TTC7B: variants seen among roughly 807,000 people sequenced by gnomAD.
The protein encoded by TTC7B is tetratricopeptide repeat domain 7B.
A neutral mutation model predicts 106.8 loss-of-function variants in TTC7B; 28 were observed. The ratio of observed to expected loss-of-function variants is 0.26; its 90% confidence interval spans 0.19 to 0.36. The LOEUF (loss-of-function observed/expected upper bound fraction) is 0.36. TTC7B is among the 10% of genes least tolerant of loss of function. The pLI, the probability that TTC7B is intolerant of heterozygous loss-of-function variation, is 1.00. For synonymous variants in TTC7B, 405 were observed against 430.6 expected (o/e 0.94, Z 0.74); for missense variants, 862 against 1,076.4 (o/e 0.80, Z 2.79).
rs1889362490 is a variant in TTC7B at position 90,534,369 on chromosome 14, T to G, written c.*6999A>C. 1 of 152,284 alleles carries G rather than the reference T, an allele frequency of 6.6e-6. No individual in the cohort carries two copies. The highest frequency in any genetic ancestry group is 1.5e-5 in the Non-Finnish European group (1 of 68,152). 9.4% of individuals were successfully genotyped at this position (152,284 alleles called of 1,614,324 possible). Reference sequence around the variant, plus strand: ...GTGGGGTCCTCAGGCCCAGTGCGGCTGCTACTGCCCGCCTCCCCCGGAGGA... The same window carrying G: ...GTGGGGTCCTCAGGCCCAGTGCGGCGGCTACTGCCCGCCTCCCCCGGAGGA... On this transcript the variant is annotated 3_prime_UTR_variant, in exon 20 of 20. Transcript: ENST00000328459.
chr14:90,647,209 T>G, intron 13 of TTC7B, 186 bp from the exon 14 acceptor site: 1 of 583,166 alleles, frequency 1.7e-6, no homozygotes, highest in Admixed American at 2.9e-5. Flanking sequence ...CTCTTACCAC[T>G]GTATAAAGGT....
Position 90,528,776 on chromosome 14 carries a change from G to C in TTC7B, c.*12592C>G, listed in dbSNP as rs922911272. The C allele has an allele frequency of 1.3e-5, 2 of 151,712 alleles. No homozygotes were observed. Among genetic ancestry groups the C allele is most frequent in the Non-Finnish European group, 2.9e-5 (2 of 68,724 alleles). The allele number at this position is 151,712 out of a possible 1,614,324, so 9.4% of individuals were successfully genotyped here. A position where few individuals can be genotyped will look rare whatever the true frequency, so the allele number is the denominator to read the frequency against. The stretch of plus-strand genomic sequence containing the variant: ...GTGACCCGACTGTGTTTTGTTACCT[G>C]TTTCTGATGGTTGTTTCTGGTGGTG... On this transcript the variant is annotated 3_prime_UTR_variant, in exon 20 of 20. Coordinates refer to ENST00000328459, the MANE Select transcript of TTC7B (RefSeq NM_001010854.2).
chr14:90,747,712 G>A (rs1009330807), intron 3 of TTC7B, among the ~76,000 whole-genome samples: 6 of 152,118 alleles, frequency 3.9e-5, no homozygotes, highest in Non-Finnish European at 8.8e-5. Context: ...ATCATTTATT[G>A]AAACATGGAT....
chr14:90,652,401 A>G (rs1595247904), intron 13 of TTC7B, among the ~76,000 whole-genome samples: 1 of 151,552 alleles, frequency 6.6e-6, no homozygotes, highest in African/African-American at 2.4e-5. Flanking sequence ...TTTGGGGCTG[A>G]CTGTCTTCAC....
chr14:90,573,622 T>TGGCTCATGGTCCCTTTCG (rs1460059775), intron 19 of TTC7B, among the ~76,000 whole-genome samples: 1 of 144,038 alleles, frequency 6.9e-6, no homozygotes, highest in Admixed American at 6.8e-5. Context: ...GGTCCCTCTC[T>TGGCTCATGGTCCCTTTCG]GGCTCATGGT....
At chr14:90,815,201 C>A (rs1256435575) in intron 1 of TTC7B, among the ~76,000 whole-genome samples, 1 of 152,222 alleles carries the variant, frequency 6.6e-6, no homozygotes, top group Non-Finnish European at 1.5e-5. Context: ...CCTCTGCCCT[C>A]TGGCCACGGT....
intron 1 of TTC7B, among the ~76,000 whole-genome samples, chr14:90,801,208 G>A (rs1595047006): frequency 7.8e-6 from 1 of 128,804 alleles, no homozygotes; most frequent in East Asian, 2.2e-4. Context: ...TTGGGAGACA[G>A]AGCAAGACCC....
At chr14:90,572,776 C>T (rs1035015927) in intron 19 of TTC7B, among the ~76,000 whole-genome samples, 2 of 152,202 alleles carry the variant, frequency 1.3e-5, no homozygotes, top group African/African-American at 4.8e-5. Flanking sequence ...AGATTGACCC[C>T]TTATGGTAAC....
intron 19 of TTC7B, among the ~76,000 whole-genome samples, chr14:90,542,025 C>T (rs888780786): frequency 2.6e-5 from 4 of 152,154 alleles, no homozygotes; most frequent in Non-Finnish European, 5.9e-5. Flanking sequence ...CTGCAAGCTC[C>T]GCCTCCCGGG....
chr14:90,718,810 A>G lies in TTC7B; in HGVS notation c.698+11265T>C, dbSNP rs536768076. Among the ~76,000 whole-genome samples the G allele has an allele frequency of 4.5e-5, 5 of 111,124 alleles. No individual in the cohort carries two copies. The South Asian group carries it at 1.1e-3, about 24-fold the overall frequency. 72.9% of individuals were successfully genotyped at this position (111,124 alleles called of 152,430 possible). A position where few individuals can be genotyped will look rare whatever the true frequency, so the allele number is the denominator to read the frequency against. ...ACAACTATACACCAGACACTGGGGC[A>G]TACAGGTACAGATCTGTTCCCACGC... is the stretch of plus-strand genomic sequence containing the variant. On this transcript the variant is annotated intron_variant, in intron 5 of 19. Transcript: ENST00000328459.
chr14:90,593,945 T>G (rs1379241739), intron 17 of TTC7B: 1 of 207,514 alleles, frequency 4.8e-6, no homozygotes, highest in African/African-American at 2.3e-5. Flanking sequence ...ATAAATGAAG[T>G]GCTATAAGGG....
intron 15 of TTC7B, among the ~76,000 whole-genome samples, chr14:90,638,063 TA>T (rs1566811791): frequency 1.3e-5 from 2 of 151,622 alleles, no homozygotes; most frequent in South Asian, 4.2e-4. Flanking sequence ...TTTTTTTTTT[TA>T]TCTAGAGATG....
At chr14:90,800,312 A>G (rs1476216568) in intron 1 of TTC7B, among the ~76,000 whole-genome samples, 1 of 152,142 alleles carries the variant, frequency 6.6e-6, no homozygotes, top group African/African-American at 2.4e-5. Flanking sequence ...TGGGGACATC[A>G]TTTGAAGGTG....
chr14:90,689,704 G>A lies in TTC7B; in HGVS notation c.786C>T (p.Ala262=). ...GCAACAAGATCTCTGCCAGCTGCCT[G>A]GCTATTGTCTGGGAACATAAACGAG... is the stretch of plus-strand genomic sequence containing the variant. ...RTTQNLRMTI[A]RQLAEILLRG... is the part of the protein sequence containing the mutation. The change falls in exon 7 of 20, where the codon GCC becomes GCT. Residue 262 remains alanine, a synonymous_variant. Coordinates refer to ENST00000328459, the MANE Select transcript of TTC7B (RefSeq NM_001010854.2). The A allele has an allele frequency of 6.2e-7, 1 of 1,613,914 alleles. No homozygotes were observed. The highest frequency in any genetic ancestry group is 1.1e-5 in the South Asian group (1 of 91,000).
chr14:90,765,015 C>A (rs1016749413), intron 3 of TTC7B, among the ~76,000 whole-genome samples: 2 of 152,196 alleles, frequency 1.3e-5, no homozygotes, highest in African/African-American at 4.8e-5. Context: ...CACAAATGTT[C>A]ATAGCAGCAT....
intron 6 of TTC7B, among the ~76,000 whole-genome samples, chr14:90,691,776 A>T (rs1438400960): frequency 6.6e-6 from 1 of 152,218 alleles, no homozygotes; most frequent in Non-Finnish European, 1.5e-5. Context: ...CAGGACACTC[A>T]CAATGTTGTG....
intron 16 of TTC7B, among the ~76,000 whole-genome samples, chr14:90,616,257 C>T (rs963457066): frequency 6.6e-6 from 1 of 152,180 alleles, no homozygotes; most frequent in Non-Finnish European, 1.5e-5. Flanking sequence ...GGCAGACTCC[C>T]CCAAATCCTG....
At chr14:90,649,169 C>T (rs114725020) in intron 13 of TTC7B, among the ~76,000 whole-genome samples, 1 of 152,250 alleles carries the variant, frequency 6.6e-6, no homozygotes, top group Non-Finnish European at 1.5e-5. Context: ...GGATTTCCAA[C>T]TTGGCTAATG....
intron 17 of TTC7B, among the ~76,000 whole-genome samples, chr14:90,607,717 T>C (rs1892704241): frequency 6.6e-6 from 1 of 152,188 alleles, no homozygotes; most frequent in Admixed American, 6.5e-5. Context: ...CCATGTGTCA[T>C]GGAATACTAT....
Sources: allele counts gnomAD v4.1 joint callset (sites outside exome capture counted in the v4.1 genomes callset), GRCh38; gene constraint gnomAD v4.1.1; transcripts MANE v1.5; gene names NCBI Gene and HGNC (gene_info 2026-07-23, HGNC 2026-07-21).